The following THSD7A variants were observed in gnomAD, a reference collection of about 807,000 sequenced individuals.
The protein encoded by THSD7A is thrombospondin type-1 domain-containing protein 7A.
THSD7A carries 96 observed loss-of-function variants against 231.3 expected under a neutral mutation model. The observed-to-expected ratio is 0.41, with a 90% CI of 0.35 to 0.49. THSD7A has a LOEUF of 0.49. Among genes scored for constraint, THSD7A ranks in the 20% least tolerant of loss-of-function variants. The pLI is 0.05. For missense variants in THSD7A, 2,290 were observed against 2,070.2 expected (o/e 1.11, Z -2.06); for synonymous variants, 940 against 743.3 (o/e 1.26, Z -4.30).
chr7:11,781,845 G>C (rs979679602), intron 1 of THSD7A, among the ~76,000 whole-genome samples: 1 of 152,056 alleles, frequency 6.6e-6, no homozygotes, highest in Non-Finnish European at 1.5e-5. Flanking sequence ...AACTTTAAAA[G>C]AAAAAAGTGC....
rs567630390 is a variant in THSD7A, at chr7:11,491,344, C to T, written c.1823-9362G>A. On this transcript the variant is annotated intron_variant, in intron 6 of 27. Coordinates refer to ENST00000423059, the MANE Select transcript of THSD7A (RefSeq NM_015204.3). Reference sequence around the variant, plus strand: ...AAAATTTGGACTGAAAGTTGTACTACACAATATTTAGCTCACAGTGATCAG... The same window carrying T: ...AAAATTTGGACTGAAAGTTGTACTATACAATATTTAGCTCACAGTGATCAG... 2.6e-5 allele frequency among the ~76,000 whole-genome samples: 4 copies of T among 152,142 alleles called. No individual in the cohort carries two copies. The South Asian group carries it at 8.3e-4, about 32-fold the overall frequency.
chr7:11,421,167 G>C (rs2115406802), intron 16 of THSD7A, among the ~76,000 whole-genome samples: 1 of 152,274 alleles, frequency 6.6e-6, no homozygotes, highest in Non-Finnish European at 1.5e-5. Flanking sequence ...GATTTGGGAA[G>C]TGCCAGGGTG....
intron 1 of THSD7A, among the ~76,000 whole-genome samples, chr7:11,665,386 G>A (rs1228549610): frequency 6.6e-6 from 1 of 152,024 alleles, no homozygotes; most frequent in Non-Finnish European, 1.5e-5. Flanking sequence ...ACTAATAAGT[G>A]GTAAGGTTGA....
intron 1 of THSD7A, among the ~76,000 whole-genome samples, chr7:11,750,235 AATT>A (rs1195451879): frequency 3.3e-5 from 5 of 151,840 alleles, no homozygotes; most frequent in African/African-American, 9.7e-5. Context: ...ATTAATTACT[AATT>A]ATTATTAATA....
intron 1 of THSD7A, among the ~76,000 whole-genome samples, chr7:11,724,799 A>G (rs79697889): frequency 0.011 from 1,620 of 152,034 alleles, 36 homozygotes; most frequent in African/African-American, 0.035. Flanking sequence ...GGAGAAACAT[A>G]TGTATAAGTA....
chr7:11,794,808 T>C (rs551794216), intron 1 of THSD7A, among the ~76,000 whole-genome samples: 1 of 152,116 alleles, frequency 6.6e-6, no homozygotes, highest in East Asian at 1.9e-4. Flanking sequence ...TTCTTTGAAA[T>C]AGAAGCAAAT....
At chr7:11,409,969 C>T (rs899277151) in intron 19 of THSD7A, among the ~76,000 whole-genome samples, 2 of 152,020 alleles carry the variant, frequency 1.3e-5, no homozygotes, top group African/African-American at 2.4e-5. Flanking sequence ...CCTGAACCCC[C>T]GACCTCAGGT....
intron 1 of THSD7A, among the ~76,000 whole-genome samples, chr7:11,715,440 G>A (rs950785151): frequency 1.3e-5 from 2 of 151,304 alleles, no homozygotes. Context: ...CTTTCTAAAT[G>A]GTTTTACTCA....
chr7:11,746,636 G>T (rs1290906307), intron 1 of THSD7A, among the ~76,000 whole-genome samples: 1 of 151,792 alleles, frequency 6.6e-6, no homozygotes, highest in Non-Finnish European at 1.5e-5. Context: ...AGATGGAGTG[G>T]TCTTCTCATC....
chr7:11,535,549 T>C (rs965437113), intron 6 of THSD7A, among the ~76,000 whole-genome samples: 4 of 151,476 alleles, frequency 2.6e-5, no homozygotes, highest in Non-Finnish European at 5.9e-5. Flanking sequence ...ACGATCCTAA[T>C]TGTAAGTGAG....
chr7:11,812,392 A>C (rs545511010), intron 1 of THSD7A, among the ~76,000 whole-genome samples: 1 of 152,318 alleles, frequency 6.6e-6, no homozygotes, highest in Non-Finnish European at 1.5e-5. Flanking sequence ...GCTTTTAAAT[A>C]AGATACATTG....
At chr7:11,512,957 A>G (rs1456631866) in intron 6 of THSD7A, among the ~76,000 whole-genome samples, 1 of 144,544 alleles carries the variant, frequency 6.9e-6, no homozygotes, top group African/African-American at 2.7e-5. Context: ...ATATATATAT[A>G]TATGTAAAAT....
intron 6 of THSD7A, among the ~76,000 whole-genome samples, chr7:11,499,987 A>G (rs541198246): frequency 6.6e-6 from 1 of 152,314 alleles, no homozygotes; most frequent in South Asian, 2.1e-4. Flanking sequence ...AAGATTCTTC[A>G]CAAGAAGATC....
intron 16 of THSD7A, among the ~76,000 whole-genome samples, chr7:11,420,260 C>A (rs570705616): frequency 6.6e-6 from 1 of 152,206 alleles, no homozygotes; most frequent in Non-Finnish European, 1.5e-5. Flanking sequence ...CCATCACAAG[C>A]CCAGAGGCCT....
intron 1 of THSD7A, among the ~76,000 whole-genome samples, chr7:11,673,593 C>A (rs1783496494): frequency 1.3e-5 from 2 of 152,140 alleles, no homozygotes; most frequent in Non-Finnish European, 2.9e-5. Flanking sequence ...CTAAGACTGC[C>A]TGCCTGGCCA....
rs548051484 is a variant in THSD7A at position 11,539,085 on chromosome 7, G to C, written c.1822+2334C>G. The stretch of plus-strand genomic sequence containing the variant: ...AATGTATAGCTGCAGCCCAGGCCTA[G>C]AGGTAGAGTCTACAACTAATCAACT... On this transcript the variant is annotated intron_variant, in intron 6 of 27. Transcript: ENST00000423059. Among the ~76,000 whole-genome samples, 10 of 152,270 alleles carry C rather than the reference G, an allele frequency of 6.6e-5. No homozygotes were observed. The South Asian group carries it at 2.1e-3, about 32-fold the overall frequency.
chr7:11,538,494 T>C (rs752431276), intron 6 of THSD7A, among the ~76,000 whole-genome samples: 1 of 152,154 alleles, frequency 6.6e-6, no homozygotes, highest in Admixed American at 6.5e-5. Flanking sequence ...AAAATACACT[T>C]GCTTTGCCAG....
chr7:11,758,608 G>A (rs1782758668), intron 1 of THSD7A, among the ~76,000 whole-genome samples: 1 of 151,988 alleles, frequency 6.6e-6, no homozygotes, highest in Non-Finnish European at 1.5e-5. Context: ...CCCACAACGT[G>A]AATGTATCCG....
chr7:11,411,896 T>A lies in THSD7A; in HGVS notation c.3683-574A>T, dbSNP rs1197384140. 7.0e-6 allele frequency among the ~76,000 whole-genome samples: 1 copy of A among 141,896 alleles called. No homozygotes were observed. The highest frequency in any genetic ancestry group is 2.8e-5 in the African/African-American group (1 of 35,230). 93.1% of individuals were successfully genotyped at this position (141,896 alleles called of 152,430 possible). On this transcript the variant is annotated intron_variant, in intron 18 of 27. Transcript: ENST00000423059. The surrounding 1 kb of genome is among the most constrained non-coding windows in gnomAD (Gnocchi z 4.1). ...CCTGGGTAACATAGCACATCCCAGA[T>A]AACTGTGATTTTTTTTTTTTGTATC...
Sources: gnomAD v4.1 joint callset for allele counts (sites outside exome capture counted in the v4.1 genomes callset) on GRCh38, gnomAD v4.1.1 for gene constraint, Gnocchi (gnomAD v3.1) non-coding constraint, MANE v1.5 for transcripts, NCBI Gene and HGNC (gene_info 2026-07-23, HGNC 2026-07-21) for gene names.